Variants in COL4A1 observed in about 807,000 individuals in gnomAD.
COL4A1 encodes collagen type IV alpha 1 chain.
COL4A1 carries 40 observed loss-of-function variants against 216.6 expected under a neutral mutation model. That is an observed-to-expected ratio of 0.18 (90% CI 0.14 to 0.24). The LOEUF (loss-of-function observed/expected upper bound fraction) is 0.24, where lower values mean the gene tolerates loss of function less well. Among genes scored for constraint, COL4A1 ranks in the 10% least tolerant of loss-of-function variants. COL4A1 has a pLI of 1.00. For missense variants in COL4A1, 1,628 were observed against 2,196.8 expected (o/e 0.74, Z 5.18); for synonymous variants, 839 against 810.7 (o/e 1.03, Z -0.59).
intron 2 of COL4A1, among the ~76,000 whole-genome samples, chr13:110,225,575 C>T (rs1880699145): frequency 1.3e-5 from 2 of 152,004 alleles, no homozygotes; most frequent in Admixed American, 6.6e-5. Flanking sequence ...AGAGCAGACT[C>T]CATCTCAAAA....
At chr13:110,236,839 G>A (rs1881337658) in intron 2 of COL4A1, among the ~76,000 whole-genome samples, 1 of 152,232 alleles carries the variant, frequency 6.6e-6, no homozygotes, top group African/African-American at 2.4e-5. Flanking sequence ...ACAGGGAAAA[G>A]CAATCCAGAA....
chr13:110,259,399 T>C (rs1028260007), intron 1 of COL4A1, among the ~76,000 whole-genome samples: 4 of 152,216 alleles, frequency 2.6e-5, no homozygotes, highest in African/African-American at 9.6e-5. Flanking sequence ...TTAACAATAC[T>C]ACTTAAAAAA....
chr13:110,205,932 A>G (rs947800487), intron 15 of COL4A1, among the ~76,000 whole-genome samples: 3 of 152,130 alleles, frequency 2.0e-5, no homozygotes, highest in Non-Finnish European at 4.4e-5. Context: ...ATAGCTTAAT[A>G]TGTTGTCTCT....
chr13:110,219,112 G>A (rs1367955922), intron 2 of COL4A1, among the ~76,000 whole-genome samples: 1 of 152,124 alleles, frequency 6.6e-6, no homozygotes, highest in Admixed American at 6.5e-5. Flanking sequence ...ACTCTGTGGC[G>A]AGGCCCCGCC....
intron 2 of COL4A1, among the ~76,000 whole-genome samples, chr13:110,224,171 G>C (rs186085601): frequency 4.6e-5 from 7 of 152,094 alleles, no homozygotes; most frequent in African/African-American, 1.7e-4. Context: ...CAGCACAACC[G>C]TCTTTTTTTT....
At chr13:110,249,265 G>A (rs150784182) in intron 1 of COL4A1, among the ~76,000 whole-genome samples, 2,051 of 152,136 alleles carry the variant, frequency 0.013, 50 homozygotes, top group African/African-American at 0.046. Context: ...GTGACTACAC[G>A]GGTGTATACG....
rs1225575081 is a variant in COL4A1 at position 110,175,240 on chromosome 13, A to T, written c.3176T>A (p.Ile1059Asn). 2 of 1,614,038 alleles carry T rather than the reference A, an allele frequency of 1.2e-6. No homozygotes were observed. The highest frequency in any genetic ancestry group is 1.7e-6 in the Non-Finnish European group (2 of 1,180,028). Reference protein sequence around the residue: ...KGQAGPPGIGIPGLRGEKGDQ... With the variant: ...KGQAGPPGIGNPGLRGEKGDQ... ...TACCTTTTCACCTCGCAGCCCTGGG[A>T]TGCCTATGCCAGGTGGGCCTGCCTG... The change falls in exon 37 of 52, where the codon ATC becomes AAC. Residue 1059 changes from isoleucine (I) to asparagine (N), a missense_variant. By Grantham distance (149) the Ile-to-Asn change is moderately radical (BLOSUM62 -3). Around this residue, in one of 8 missense-constraint regions of COL4A1, gnomAD observed 345 missense variants for 476.9 expected, o/e 0.72. Coordinates refer to ENST00000375820, the MANE Select transcript of COL4A1 (RefSeq NM_001845.6).
At chr13:110,218,108 T>A (rs1221909393) in intron 2 of COL4A1, among the ~76,000 whole-genome samples, 1 of 152,160 alleles carries the variant, frequency 6.6e-6, no homozygotes, top group African/African-American at 2.4e-5. Flanking sequence ...TAAAATAGCA[T>A]GAAGCTTCTA....
At chr13:110,166,361 T>C in intron 44 of COL4A1, 58 bp from the exon 45 acceptor site, 2 of 1,049,070 alleles carry the variant, frequency 1.9e-6, no homozygotes, top group Non-Finnish European at 3.0e-6. Context: ...TACAAATATG[T>C]GTGTGTATAT....
At chr13:110,277,072 A>G (rs911181299) in intron 1 of COL4A1, among the ~76,000 whole-genome samples, 3 of 151,990 alleles carry the variant, frequency 2.0e-5, no homozygotes, top group African/African-American at 7.3e-5. Context: ...GGGTTTTTGA[A>G]CTCCAGTTTA....
chr13:110,170,418 G>T, intron 42 of COL4A1, 129 bp downstream of exon 42: 2 of 1,004,904 alleles, frequency 2.0e-6, no homozygotes, highest in Non-Finnish European at 3.0e-6. Flanking sequence ...ACAATTTCAA[G>T]CTGTAATAAA....
chr13:110,196,920 A>G (rs1278191821), intron 21 of COL4A1, among the ~76,000 whole-genome samples: 2 of 152,232 alleles, frequency 1.3e-5, no homozygotes, highest in South Asian at 4.1e-4. Context: ...TCTCATTTCT[A>G]AATTATTACT....
chr13:110,155,374 G>A lies in COL4A1; in HGVS notation c.4664C>T (p.Ala1555Val), dbSNP rs1282255956. ...ISRCAVCEAP[A>V]MVMAVHSQTI... ...CTGGCTGTGCACGGCCATCACCATG[G>A]CAGGCGCCTCACACACAGCACACCT... is the stretch of plus-strand genomic sequence containing the variant. The change falls in exon 50 of 52, where the codon GCC becomes GTC. Residue 1555 changes from alanine (A) to valine (V), a missense_variant. This residue lies in a region of COL4A1 where 254 missense variants were observed against 300.1 expected (regional missense o/e 0.85). Coordinates refer to ENST00000375820, the MANE Select transcript of COL4A1 (RefSeq NM_001845.6). 1 of 1,614,106 alleles carries A rather than the reference G, an allele frequency of 6.2e-7. No homozygotes were observed. Among genetic ancestry groups the A allele is most frequent in the South Asian group, 1.1e-5 (1 of 91,080 alleles).
intron 2 of COL4A1, among the ~76,000 whole-genome samples, chr13:110,233,087 T>C (rs1212362985): frequency 2.0e-5 from 3 of 152,306 alleles, no homozygotes; most frequent in Non-Finnish European, 4.4e-5. Flanking sequence ...CCATTTAGCA[T>C]AGATCTGCTT....
chr13:110,178,806 C>T lies in COL4A1; in HGVS notation c.2458+117G>A. The T allele has an allele frequency of 1.0e-5, 8 of 766,030 alleles. No homozygotes were observed. The Admixed American group carries it at 1.6e-4, about 15-fold the overall frequency. 47.5% of individuals were successfully genotyped at this position (766,030 alleles called of 1,614,324 possible). A position where few individuals can be genotyped will look rare whatever the true frequency, so the allele number is the denominator to read the frequency against. On this transcript the variant is annotated intron_variant, in intron 31 of 51. Coordinates refer to ENST00000375820, the MANE Select transcript of COL4A1 (RefSeq NM_001845.6). ...TCACAAACTCGAGTTTTATTTTTTT[C>T]TCTTTTTATCTCATACATTGTGCTA...
chr13:110,264,610 T>C (rs1322709994), intron 1 of COL4A1, among the ~76,000 whole-genome samples: 1 of 152,252 alleles, frequency 6.6e-6, no homozygotes, highest in African/African-American at 2.4e-5. Context: ...TCTAGTTCCA[T>C]ACTTTAATTA....
chr13:110,200,762 T>A, intron 20 of COL4A1, 92 bp downstream of exon 20: 1 of 1,335,702 alleles, frequency 7.5e-7, no homozygotes, highest in South Asian at 1.2e-5. Flanking sequence ...TGTGTGCAAA[T>A]ATCTAACATT....
rs536882029 is a variant in COL4A1, at chr13:110,264,097, A to G, written c.85-21363T>C. 2.0e-5 allele frequency among the ~76,000 whole-genome samples: 3 copies of G among 152,256 alleles called. No individual in the cohort carries two copies. The East Asian group carries it at 5.8e-4, about 29-fold the overall frequency. On this transcript the variant is annotated intron_variant, in intron 1 of 51. Transcript: ENST00000375820. ...GACACTGCTTTCCAACACACACCCC[A>G]GACTGCGTCCCCAACCCCTCCCAGC...
intron 49 of COL4A1, among the ~76,000 whole-genome samples, chr13:110,160,700 G>A (rs1877043118): frequency 6.6e-6 from 1 of 152,152 alleles, no homozygotes; most frequent in Non-Finnish European, 1.5e-5. Flanking sequence ...AATTTTAAAA[G>A]AGAATAGCTG....
Sources: gnomAD v4.1 joint callset for allele counts (sites outside exome capture counted in the v4.1 genomes callset) on GRCh38, gnomAD v4.1.1 for gene constraint, gnomAD v4.1.1 regional missense constraint, MANE v1.5 for transcripts, NCBI Gene and HGNC (gene_info 2026-07-23, HGNC 2026-07-21) for gene names.